AOX1: variants seen among roughly 807,000 people sequenced by gnomAD.
The protein encoded by AOX1 is aldehyde oxidase 1.
In AOX1, 153 loss-of-function variants were observed where a neutral mutation model predicts 169.5. The observed-to-expected ratio is 0.90, with a 90% CI of 0.79 to 1.03. The LOEUF (loss-of-function observed/expected upper bound fraction) is 1.03. Among genes scored for constraint, AOX1 ranks in the 50% least tolerant of loss-of-function variants. The pLI is 0.00. For synonymous variants in AOX1, 562 were observed against 581.9 expected, an observed-to-expected ratio of 0.97 and a Z score of 0.49; for missense variants, 1,656 against 1,663.9, an observed-to-expected ratio of 1.00 and a Z score of 0.08.
At position 200,668,660 on chromosome 2, in the gene AOX1, GA is replaced by G. The variant is rs759984198; in HGVS notation, c.3657del (p.Glu1219AspfsTer2). ...IQGMGLYTIE[E>X]LNYSPQGILH... ...AGGCATGGGACTTTATACAATAGAG[GA>G]ACTGAATTATTCTCCCCAGGGCATT... is the stretch of plus-strand genomic sequence containing the variant. On this transcript the variant is annotated frameshift_variant, in exon 33 of 35. Transcript: ENST00000374700. LOFTEE classifies it high-confidence loss of function. 4.6e-5 allele frequency: 74 copies of G among 1,613,800 alleles called. No individual in the cohort carries two copies. The highest frequency in any genetic ancestry group is 6.1e-5 in the Non-Finnish European group (72 of 1,179,980).
intron 14 of AOX1, 93 bp downstream of exon 14, chr2:200,612,886 A>G: frequency 1.0e-6 from 1 of 1,004,734 alleles, no homozygotes; most frequent in Non-Finnish European, 1.5e-6. Context: ...GATTACAAGA[A>G]GAAAAGTGTT....
chr2:200,679,979 G>C (rs553467819), downstream of AOX1, among the ~76,000 whole-genome samples: 1 of 152,236 alleles, frequency 6.6e-6, no homozygotes, highest in Admixed American at 6.5e-5. Flanking sequence ...TACAGGGGAG[G>C]CTAAGATGGG....
At chr2:200,613,455 G>A (rs370217097) in intron 14 of AOX1, among the ~76,000 whole-genome samples, 1 of 152,252 alleles carries the variant, frequency 6.6e-6, no homozygotes. Flanking sequence ...TACATATAAG[G>A]TGCTAAAAGC....
rs765127387 is a variant in AOX1 at position 200,636,117 on chromosome 2, CTTTTTTTTTTTTTTTT to C, written c.2347-780_2347-765del. Among the ~76,000 whole-genome samples, 27 of 53,976 alleles carry C rather than the reference CTTTTTTTTTTTTTTTT, an allele frequency of 5.0e-4. No homozygotes were observed. The East Asian group carries it at 9.8e-3, about 20-fold the overall frequency. The allele number at this position is 53,976 out of a possible 152,430, so 35.4% of individuals were successfully genotyped here. A position where few individuals can be genotyped will look rare whatever the true frequency, so the allele number is the denominator to read the frequency against. ...CAATCCAAGCAAGAAGTGAGAAGTG[CTTTTTTTTTTTTTTTT>C]TTTTTTTTTTTTTGAGACAGAGTCT... On this transcript the variant is annotated intron_variant, in intron 21 of 34. Transcript: ENST00000374700.
intron 20 of AOX1, among the ~76,000 whole-genome samples, chr2:200,632,885 T>C (rs1271336130): frequency 2.6e-5 from 4 of 151,778 alleles, no homozygotes; most frequent in Admixed American, 2.6e-4. Flanking sequence ...AGTGCTTTTT[T>C]TTTTCTTTCT....
Position 200,612,701 on chromosome 2 carries a change from G to T in AOX1, c.1356G>T (p.Gly452=), listed in dbSNP as rs1437106928. ...GAATGAGAGTCTTTTTTGGAGAAGG[G>T]GATGGCATTATTAGAGAGTTATGCA... ...NSGMRVFFGE[G]DGIIRELCIS... The change falls in exon 14 of 35, where the codon GGG becomes GGT. Residue 452 remains glycine, a synonymous_variant. Coordinates refer to ENST00000374700, the MANE Select transcript of AOX1 (RefSeq NM_001159.4). The T allele has an allele frequency of 6.2e-7, 1 of 1,614,056 alleles. No homozygotes were observed. The highest frequency in any genetic ancestry group is 8.5e-7 in the Non-Finnish European group (1 of 1,179,992).
chr2:200,641,962 T>C (rs2035361048), intron 24 of AOX1, among the ~76,000 whole-genome samples: 1 of 152,002 alleles, frequency 6.6e-6, no homozygotes, highest in South Asian at 2.1e-4. Flanking sequence ...GACCACATGG[T>C]GAAATCCTGT....
At chr2:200,608,321 G>C (rs1237543393) in intron 10 of AOX1, among the ~76,000 whole-genome samples, 1 of 152,132 alleles carries the variant, frequency 6.6e-6, no homozygotes, top group African/African-American at 2.4e-5. Context: ...TGAAGGATAC[G>C]GTGCTAAGTG....
At chr2:200,673,326 A>C (rs750168595), downstream of AOX1, among the ~76,000 whole-genome samples, 19 of 152,148 alleles carry the variant, frequency 1.2e-4, no homozygotes, top group South Asian at 4.1e-4. Flanking sequence ...TCTCAAAGGC[A>C]CTTCAAACGT....
In AOX1 at chr2:200,603,300, G is replaced by A; in HGVS notation, c.532G>A (p.Val178Ile). 6.2e-7 allele frequency: 1 copy of A among 1,614,002 alleles called. No individual in the cohort carries two copies. Among genetic ancestry groups the A allele is most frequent in the South Asian group, 1.1e-5 (1 of 91,072 alleles). ...SGCCQSKENG[V>I]CCLDQGINGL... ...CTGCTGTCAAAGTAAAGAAAATGGGGTTTGCTGTTTGGATCAAGGAATCAA... is the reference window on the plus strand; with the variant it reads ...CTGCTGTCAAAGTAAAGAAAATGGGATTTGCTGTTTGGATCAAGGAATCAA... The change falls in exon 7 of 35, where the codon GTT becomes ATT. Residue 178 changes from valine to isoleucine, a missense_variant. Val to Ile is a conservative substitution (Grantham distance 29, BLOSUM62 3). Coordinates refer to ENST00000374700, the MANE Select transcript of AOX1 (RefSeq NM_001159.4).
chr2:200,614,335 G>A (rs1320638054), intron 15 of AOX1, among the ~76,000 whole-genome samples: 1 of 152,188 alleles, frequency 6.6e-6, no homozygotes, highest in African/African-American at 2.4e-5. Flanking sequence ...TGTGTTTGGT[G>A]TTCTTTTCCA....
Position 200,637,064 on chromosome 2 carries a change from T to C in AOX1, c.2480+20T>C. On this transcript the variant is annotated intron_variant, in intron 22 of 34. Transcript: ENST00000374700. ...AAACAAGTAAGTGGAGAAAATCTGC[T>C]AAAAATAAAGTGAAGTCACACTGAA... The C allele has an allele frequency of 6.2e-7, 1 of 1,613,082 alleles. No homozygotes were observed. The highest frequency in any genetic ancestry group is 2.2e-5 in the East Asian group (1 of 44,782).
intron 20 of AOX1, among the ~76,000 whole-genome samples, chr2:200,633,931 T>C (rs972644116): frequency 6.6e-6 from 1 of 152,158 alleles, no homozygotes; most frequent in African/African-American, 2.4e-5. Flanking sequence ...TAAGTCCAGG[T>C]TCCCCATGTG....
chr2:200,649,388 G>T (rs886891506), intron 25 of AOX1, among the ~76,000 whole-genome samples: 1 of 152,086 alleles, frequency 6.6e-6, no homozygotes, highest in Admixed American at 6.6e-5. Context: ...CTCCCGTGGG[G>T]GTGTGTGTCT....
At position 200,633,762 on chromosome 2, in the gene AOX1, T is replaced by C. The variant is rs1013871684; in HGVS notation, c.2222-1029T>C. Among the ~76,000 whole-genome samples the C allele has an allele frequency of 7.3e-4, 111 of 152,236 alleles. 8 individuals carry two copies. Among genetic ancestry groups the C allele is most frequent in the Non-Finnish European group, 2.9e-5 (2 of 68,024 alleles). On this transcript the variant is annotated intron_variant, in intron 20 of 34. Coordinates refer to ENST00000374700, the MANE Select transcript of AOX1 (RefSeq NM_001159.4). Reference sequence around the variant, plus strand: ...TTCTTGGTTCCTGGTATGAATGATATTTGATTGTATCCTAGACATTTTAGA... The same window carrying C: ...TTCTTGGTTCCTGGTATGAATGATACTTGATTGTATCCTAGACATTTTAGA...
At chr2:200,670,121 C>G (rs1221109396) in intron 34 of AOX1, among the ~76,000 whole-genome samples, 3 of 152,102 alleles carry the variant, frequency 2.0e-5, no homozygotes, top group Non-Finnish European at 2.9e-5. Context: ...GACAGTCTGC[C>G]TCCACCCCAA....
chr2:200,613,003 CGTGTGTGTGT>C (rs745607427), intron 14 of AOX1, among the ~76,000 whole-genome samples: 1 of 144,126 alleles, frequency 6.9e-6, no homozygotes, highest in Admixed American at 7.0e-5. Flanking sequence ...ACTCTGTGTG[CGTGTGTGTGT>C]GTGTGTGTGT....
chr2:200,586,342 G>A (rs1042742230), intron 1 of AOX1, among the ~76,000 whole-genome samples, 189 bp downstream of exon 1: 1 of 152,236 alleles, frequency 6.6e-6, no homozygotes, highest in African/African-American at 2.4e-5. Flanking sequence ...TAAAGGCTGC[G>A]TTTTCAGGGA....
At chr2:200,607,920 GA>G (rs1341484186) in intron 10 of AOX1, among the ~76,000 whole-genome samples, 8 of 152,152 alleles carry the variant, frequency 5.3e-5, no homozygotes, top group Non-Finnish European at 1.0e-4. Context: ...TGAACAATGA[GA>G]ACACATGGAC....
Sources: gnomAD v4.1 joint callset for allele counts (sites outside exome capture counted in the v4.1 genomes callset) on GRCh38, gnomAD v4.1.1 for gene constraint, MANE v1.5 for transcripts, NCBI Gene and HGNC (gene_info 2026-07-23, HGNC 2026-07-21) for gene names.